The following PCDHGA1 variants were observed in gnomAD, a reference collection of about 807,000 sequenced individuals.
PCDHGA1 encodes protocadherin gamma-A1.
Under a neutral mutation model 58.0 loss-of-function variants are expected in PCDHGA1, and 32 were observed. The ratio of observed to expected loss-of-function variants is 0.55; its 90% CI spans 0.42 to 0.74. The LOEUF is 0.74. Among genes scored for constraint, PCDHGA1 ranks in the 30% least tolerant of loss-of-function variants. PCDHGA1 has a pLI of 0.00. For missense variants in PCDHGA1, 1,205 were observed against 1,182.3 expected, an observed-to-expected ratio of 1.02 and a Z score of -0.28; for synonymous variants, 498 against 501.1, an observed-to-expected ratio of 0.99 and a Z score of 0.08.
At chr5:141,389,173 T>C (rs1339910343) in intron 1 of PCDHGA1, 15 of 1,613,844 alleles carry the variant, frequency 9.3e-6, no homozygotes, top group Non-Finnish European at 1.2e-5. Context: ...AAGCCTCCCC[T>C]CTCCTCCAGT....
intron 1 of PCDHGA1, chr5:141,382,846 G>T: frequency 1.4e-6 from 2 of 1,475,644 alleles, no homozygotes; most frequent in Non-Finnish European, 9.1e-7. Context: ...GGATACACCC[G>T]CATTCTGAAG....
chr5:141,458,674 A>G (rs1315462699), intron 1 of PCDHGA1, among the ~76,000 whole-genome samples: 1 of 152,104 alleles, frequency 6.6e-6, no homozygotes, highest in East Asian at 1.9e-4. Flanking sequence ...GGTTCAAGCA[A>G]TTCTACTGCC....
chr5:141,405,815 T>C (rs755764286), intron 1 of PCDHGA1, among the ~76,000 whole-genome samples: 14 of 103,812 alleles, frequency 1.3e-4, no homozygotes, highest in Non-Finnish European at 2.3e-4. Flanking sequence ...TCTTTAACTG[T>C]CTGTACTTAA....
chr5:141,508,737 C>T (rs919094477), intron 3 of PCDHGA1, among the ~76,000 whole-genome samples: 1 of 152,010 alleles, frequency 6.6e-6, no homozygotes, highest in Non-Finnish European at 1.5e-5. Flanking sequence ...CTACACCCCC[C>T]ACCCCGCTCT....
Position 141,366,719 on chromosome 5 carries a change from G to C in PCDHGA1, c.2421+33614G>C, listed in dbSNP as rs775968939. The C allele has an allele frequency of 1.9e-6, 3 of 1,613,834 alleles. No homozygotes were observed. The Admixed American group carries it at 5.0e-5, about 27-fold the overall frequency. ...CGAGCCTCTTCTGATGTCTGATAAG[G>C]TAGATGCAAACAAAGAAGAACGGCG... On this transcript the variant is annotated intron_variant, in intron 1 of 3. Coordinates refer to ENST00000517417, the MANE Select transcript of PCDHGA1 (RefSeq NM_018912.3).
chr5:141,366,872 A>C (rs1764836796), intron 1 of PCDHGA1: 2 of 1,396,140 alleles, frequency 1.4e-6, no homozygotes, highest in Admixed American at 2.4e-5. Flanking sequence ...GCTGTATTGG[A>C]GATTAATTTT....
intron 1 of PCDHGA1, chr5:141,398,508 T>C: frequency 6.2e-7 from 1 of 1,601,476 alleles, no homozygotes; most frequent in Admixed American, 1.7e-5. Context: ...AGGACATTAA[T>C]GACCACACGC....
At chr5:141,427,006 G>C (rs1288837425) in intron 1 of PCDHGA1, 3 of 456,792 alleles carry the variant, frequency 6.6e-6, no homozygotes, top group South Asian at 3.1e-5. Flanking sequence ...CCAGTTTTTA[G>C]CCAGGATGTA....
intron 1 of PCDHGA1, among the ~76,000 whole-genome samples, chr5:141,353,062 T>C (rs1005254102): frequency 6.6e-6 from 1 of 152,162 alleles, no homozygotes; most frequent in Non-Finnish European, 1.5e-5. Flanking sequence ...TTTCTTTCAT[T>C]GTTCTAGTGA....
intron 1 of PCDHGA1, chr5:141,421,909 C>T: frequency 1.9e-6 from 3 of 1,613,710 alleles, no homozygotes; most frequent in Non-Finnish European, 2.5e-6. Context: ...GGGCGCAGTT[C>T]CCATTCGTGT....
At position 141,340,692 on chromosome 5, in the gene PCDHGA1, G is replaced by T. The variant is rs752480769; in HGVS notation, c.2421+7587G>T. The T allele has an allele frequency of 3.7e-6, 6 of 1,614,076 alleles. No individual in the cohort carries two copies. The highest frequency in any genetic ancestry group is 5.1e-6 in the Non-Finnish European group (6 of 1,180,054). Reference sequence around the variant, plus strand: ...GCCTTCCCCACAGACGGTTCCACTGGCGTGGAGCTGGCGCCCCGCTCCGCA... The same window carrying T: ...GCCTTCCCCACAGACGGTTCCACTGTCGTGGAGCTGGCGCCCCGCTCCGCA... On this transcript the variant is annotated intron_variant, in intron 1 of 3. Coordinates refer to ENST00000517417, the MANE Select transcript of PCDHGA1 (RefSeq NM_018912.3).
Position 141,384,048 on chromosome 5 carries a change from C to A in PCDHGA1, c.2421+50943C>A, listed in dbSNP as rs111794989. 4,325 of 1,611,882 alleles carry A rather than the reference C, an allele frequency of 2.7e-3. 15 individuals carry two copies. Among genetic ancestry groups the A allele is most frequent in the Admixed American group, 9.3e-3 (555 of 59,694 alleles). ...ATTCTGGAAAGAATGGTGAGGTGACCTGCACCATTCCAGAAAACCTACCTT... is the reference window on the plus strand; with the variant it reads ...ATTCTGGAAAGAATGGTGAGGTGACATGCACCATTCCAGAAAACCTACCTT... On this transcript the variant is annotated intron_variant, in intron 1 of 3. Transcript: ENST00000517417.
rs776549222 is a variant in PCDHGA1, at chr5:141,357,551, G to C, written c.2421+24446G>C. The C allele has an allele frequency of 9.3e-6, 15 of 1,614,124 alleles. No individual in the cohort carries two copies. In the East Asian group the frequency reaches 2.2e-4, roughly 24 times the overall value. ...GCAGACACGCTCATCAGCCGGGAGA[G>C]TTGTGAGAAAAGCGAGCCTCTTCTG... On this transcript the variant is annotated intron_variant, in intron 1 of 3. Transcript: ENST00000517417.
chr5:141,482,363 G>C (rs2099556985), intron 1 of PCDHGA1, among the ~76,000 whole-genome samples: 1 of 152,086 alleles, frequency 6.6e-6, no homozygotes, highest in African/African-American at 2.4e-5. Flanking sequence ...AGAGTGAAAA[G>C]TAATGCATAT....
chr5:141,371,769 G>C lies in PCDHGA1; in HGVS notation c.2421+38664G>C, dbSNP rs755229487. Reference sequence around the variant, plus strand: ...CGTTTTCCACCAGGCCTCCTACACCGTGCATGTAGCTGAGAACAATCCGCC... The same window carrying C: ...CGTTTTCCACCAGGCCTCCTACACCCTGCATGTAGCTGAGAACAATCCGCC... On this transcript the variant is annotated intron_variant, in intron 1 of 3. Transcript: ENST00000517417. 43 of 1,613,880 alleles carry C rather than the reference G, an allele frequency of 2.7e-5. No individual in the cohort carries two copies. Among genetic ancestry groups the C allele is most frequent in the Admixed American group, 6.7e-5 (4 of 60,016 alleles).
chr5:141,351,245 G>A, intron 1 of PCDHGA1: 1 of 1,614,038 alleles, frequency 6.2e-7, no homozygotes, highest in African/African-American at 1.3e-5. Flanking sequence ...TCACTGTAAT[G>A]TTCAAATAGA....
At chr5:141,375,345 C>G (rs749825552) in intron 1 of PCDHGA1, 9 of 1,613,740 alleles carry the variant, frequency 5.6e-6, no homozygotes, top group African/African-American at 1.3e-5. Context: ...TACAACATCA[C>G]TGTGACAGCC....
chr5:141,434,852 A>G (rs1382212982), intron 1 of PCDHGA1, among the ~76,000 whole-genome samples: 2 of 151,990 alleles, frequency 1.3e-5, no homozygotes, highest in Non-Finnish European at 2.9e-5. Context: ...AGACATCAAT[A>G]AATTTATATA....
chr5:141,361,183 A>C (rs1461203772), intron 1 of PCDHGA1: 2 of 1,613,944 alleles, frequency 1.2e-6, no homozygotes, highest in Non-Finnish European at 1.7e-6. Flanking sequence ...AGTTATTGTG[A>C]CTTCAGTATC....
Sources: allele counts gnomAD v4.1 joint callset (sites outside exome capture counted in the v4.1 genomes callset), GRCh38; gene constraint gnomAD v4.1.1; transcripts MANE v1.5; gene names NCBI Gene and HGNC (gene_info 2026-07-23, HGNC 2026-07-21).